Variants in PUS10 observed in about 807,000 individuals in gnomAD.
PUS10 encodes the protein pseudouridine synthase 10.
In PUS10, 59 loss-of-function variants were observed where a neutral mutation model predicts 75.0. The ratio of observed to expected loss-of-function variants is 0.79; its 90% CI spans 0.64 to 0.98. PUS10 has a LOEUF of 0.98. Ranked by LOEUF, PUS10 falls within the 50% of genes least tolerant of loss-of-function variation. The pLI is 0.00. For synonymous variants in PUS10, 219 were observed against 211.6 expected, an observed-to-expected ratio of 1.03 and a Z score of -0.30; for missense variants, 650 against 614.4, an observed-to-expected ratio of 1.06 and a Z score of -0.61.
At chr2:60,983,408 G>C (rs751712100) in intron 4 of PUS10, among the ~76,000 whole-genome samples, 1 of 152,114 alleles carries the variant, frequency 6.6e-6, no homozygotes, top group African/African-American at 2.4e-5. Flanking sequence ...GCTGGGCGCG[G>C]TGGCTCACGC....
chr2:61,005,869 T>C (rs1381108753), intron 4 of PUS10, among the ~76,000 whole-genome samples: 1 of 152,228 alleles, frequency 6.6e-6, no homozygotes, highest in Admixed American at 6.5e-5. Flanking sequence ...TGATGTAATG[T>C]TCTGGTGATA....
chr2:60,991,367 CAAATT>C (rs1678065229), intron 4 of PUS10, among the ~76,000 whole-genome samples: 1 of 152,030 alleles, frequency 6.6e-6, no homozygotes, highest in African/African-American at 2.4e-5. Context: ...AAACATGTGT[CAAATT>C]AAAACACACA....
At chr2:60,944,102 T>A in intron 17 of PUS10, 3 of 377,706 alleles carry the variant, frequency 7.9e-6, no homozygotes, top group Non-Finnish European at 1.1e-5. Flanking sequence ...CACTCCAGCC[T>A]GGGTGACAGT....
intron 4 of PUS10, among the ~76,000 whole-genome samples, chr2:60,987,961 C>A (rs956365642): frequency 6.6e-6 from 1 of 151,302 alleles, no homozygotes; most frequent in Non-Finnish European, 1.5e-5. Flanking sequence ...TGGTGGCACA[C>A]GCCTGTAGTC....
chr2:60,959,708 G>A lies in PUS10; in HGVS notation c.1000+684C>T, dbSNP rs1389990424. Reference sequence around the variant, plus strand: ...TCGGCAGAGCAATCATCTTGAGAGAGGACAGGCAGATATTCTCGAGTGCCT... The same window carrying A: ...TCGGCAGAGCAATCATCTTGAGAGAAGACAGGCAGATATTCTCGAGTGCCT... On this transcript the variant is annotated intron_variant, in intron 11 of 17. Coordinates refer to ENST00000316752, the MANE Select transcript of PUS10 (RefSeq NM_144709.4). Among the ~76,000 whole-genome samples, 3 of 152,164 alleles carry A rather than the reference G, an allele frequency of 2.0e-5. No homozygotes were observed. The East Asian group carries it at 5.8e-4, about 29-fold the overall frequency.
At chr2:60,953,374 C>T (rs898778413) in intron 14 of PUS10, among the ~76,000 whole-genome samples, 2 of 152,204 alleles carry the variant, frequency 1.3e-5, no homozygotes, top group Non-Finnish European at 2.9e-5. Flanking sequence ...CCCTAGACAA[C>T]CATTAACTGA....
intron 4 of PUS10, among the ~76,000 whole-genome samples, chr2:60,982,257 A>AT (rs1177315655): frequency 1.3e-5 from 2 of 151,554 alleles, no homozygotes; most frequent in Admixed American, 6.6e-5. Flanking sequence ...TATTTATTTT[A>AT]TTTATTTATT....
chr2:61,001,319 C>G (rs1313505924), intron 4 of PUS10, among the ~76,000 whole-genome samples: 2 of 151,766 alleles, frequency 1.3e-5, no homozygotes, highest in Non-Finnish European at 2.9e-5. Flanking sequence ...GTAGTCTCCC[C>G]AGGCTGGAGT....
intron 4 of PUS10, chr2:60,998,973 A>ATG (rs1197562892): frequency 6.6e-6 from 1 of 152,354 alleles, no homozygotes; most frequent in Non-Finnish European, 1.5e-5. Context: ...AACTCCAACC[A>ATG]TATCAAGTTG....
chr2:60,948,156 C>G lies in PUS10; in HGVS notation c.1338G>C (p.Leu446Phe). The change falls in exon 16 of 18, where the codon TTG becomes TTC. Residue 446 changes from leucine (L) to phenylalanine (F), a missense_variant. Coordinates refer to ENST00000316752, the MANE Select transcript of PUS10 (RefSeq NM_144709.4). ...CCAGGGGCCTTCGGTGAAGGACGCG[C>G]AAAGGTGTTTTCTGGTCGATTTTTA... The part of the protein sequence containing the change: ...KDLKIDQKTP[L>F]RVLHRRPLAV... 1 of 1,614,100 alleles carries G rather than the reference C, an allele frequency of 6.2e-7. No homozygotes were observed. The highest frequency in any genetic ancestry group is 1.1e-5 in the South Asian group (1 of 91,080).
At chr2:60,985,089 A>G (rs1278471099) in intron 4 of PUS10, among the ~76,000 whole-genome samples, 1 of 152,236 alleles carries the variant, frequency 6.6e-6, no homozygotes, top group Admixed American at 6.5e-5. Flanking sequence ...TTTAAAGGTT[A>G]TTTTAAAAAC....
At chr2:60,959,450 G>C (rs962769498) in intron 11 of PUS10, among the ~76,000 whole-genome samples, 1 of 152,160 alleles carries the variant, frequency 6.6e-6, no homozygotes, top group Non-Finnish European at 1.5e-5. Context: ...GAGTGCAGTA[G>C]TGCGAGCTCA....
In PUS10 at chr2:60,946,857, GACAC is replaced by G. The variant is rs372203343; in HGVS notation, c.1451+1182_1451+1185del. Among the ~76,000 whole-genome samples, 31 of 90,566 alleles carry G rather than the reference GACAC, an allele frequency of 3.4e-4. 1 individual carries two copies. In the South Asian group the frequency reaches 5.4e-3, roughly 16 times the overall value. 59.4% of individuals were successfully genotyped at this position (90,566 alleles called of 152,430 possible). A position where few individuals can be genotyped will look rare whatever the true frequency, so the allele number is the denominator to read the frequency against. On this transcript the variant is annotated intron_variant, in intron 16 of 17. Transcript: ENST00000316752. ...TGTGTGTGTGTAATATATATATATAGACACACACACACACACATACAATAGTACA... is the reference window on the plus strand; with the variant it reads ...TGTGTGTGTGTAATATATATATATAGACACACACACACATACAATAGTACA...
At chr2:60,963,019 G>A in intron 8 of PUS10, 129 bp from the exon 9 acceptor site, 1 of 1,379,512 alleles carries the variant, frequency 7.2e-7, no homozygotes, top group Non-Finnish European at 9.3e-7. Context: ...TTAACATGGA[G>A]AAATACTTAA....
chr2:60,964,227 C>T (rs941678919), intron 8 of PUS10, among the ~76,000 whole-genome samples: 6 of 152,232 alleles, frequency 3.9e-5, no homozygotes, highest in African/African-American at 1.4e-4. Context: ...TATTTCTGCA[C>T]AGGGCATTAG....
rs79861813 is a variant in PUS10, at chr2:60,966,799, T to A, written c.615+703A>T. The A allele has an allele frequency of 2.0e-5, 3 of 152,450 alleles. No homozygotes were observed. The East Asian group carries it at 5.6e-4, about 29-fold the overall frequency. The allele number at this position is 152,450 out of a possible 1,614,324, so 9.4% of individuals were successfully genotyped here. A position where few individuals can be genotyped will look rare whatever the true frequency, so the allele number is the denominator to read the frequency against. On this transcript the variant is annotated intron_variant, in intron 6 of 17. Transcript: ENST00000316752. The stretch of plus-strand genomic sequence containing the variant: ...TGAAAAACTGTTTAGCTTTAGTAGA[T>A]GGTTTTGTGATTTTATTTGAATAGG...
At chr2:60,995,115 T>A (rs1221149768) in intron 4 of PUS10, among the ~76,000 whole-genome samples, 1 of 152,118 alleles carries the variant, frequency 6.6e-6, no homozygotes, top group Admixed American at 6.6e-5. Flanking sequence ...ACTTTGGAGT[T>A]TAATAGATCA....
intron 4 of PUS10, among the ~76,000 whole-genome samples, chr2:60,997,100 A>G (rs1473211448): frequency 1.3e-5 from 2 of 152,246 alleles, no homozygotes; most frequent in Non-Finnish European, 2.9e-5. Context: ...TGTTACATTC[A>G]CAGAAGCAAG....
At chr2:60,949,200 G>T (rs1165017744) in intron 15 of PUS10, among the ~76,000 whole-genome samples, 1 of 151,968 alleles carries the variant, frequency 6.6e-6, no homozygotes, top group Non-Finnish European at 1.5e-5. Flanking sequence ...GAGATAAGCT[G>T]TCTCCATAAG....
Sources: allele counts gnomAD v4.1 joint callset (sites outside exome capture counted in the v4.1 genomes callset), GRCh38; gene constraint gnomAD v4.1.1; transcripts MANE v1.5; gene names NCBI Gene and HGNC (gene_info 2026-07-23, HGNC 2026-07-21).